Variants in BDP1 observed in about 807,000 individuals in gnomAD.
BDP1 encodes the protein transcription factor TFIIIB component B'' homolog.
A neutral mutation model predicts 266.6 loss-of-function variants in BDP1; 169 were observed. The observed-to-expected ratio is 0.63, with a 90% CI of 0.56 to 0.72. BDP1 has a LOEUF of 0.72. Among genes scored for constraint, BDP1 ranks in the 30% least tolerant of loss-of-function variants. The pLI is 0.00. For synonymous variants in BDP1, 1,090 were observed against 1,022.4 expected (o/e 1.07, Z -1.26); for missense variants, 3,015 against 3,053.8 (o/e 0.99, Z 0.30).
chr5:71,510,107 A>G lies in BDP1; in HGVS notation c.3015A>G (p.Val1005=). The G allele has an allele frequency of 1.9e-6, 3 of 1,614,116 alleles. No individual in the cohort carries two copies. Among genetic ancestry groups the G allele is most frequent in the Non-Finnish European group, 2.5e-6 (3 of 1,180,018 alleles). ...RENGPEEVKP[V]DEMETDLNAT... is the part of the protein sequence containing the mutation. Reference sequence around the variant, plus strand: ...ATGGCCCAGAGGAGGTCAAGCCTGTAGATGAAATGGAGACAGATTTGAACG... The same window carrying G: ...ATGGCCCAGAGGAGGTCAAGCCTGTGGATGAAATGGAGACAGATTTGAACG... Residue 1005 remains valine, a synonymous_variant, in exon 17 of 39, where the codon GTA becomes GTG. Coordinates refer to ENST00000358731, the MANE Select transcript of BDP1 (RefSeq NM_018429.3).
intron 25 of BDP1, among the ~76,000 whole-genome samples, chr5:71,525,464 G>A (rs1210493976): frequency 3.7e-5 from 5 of 136,486 alleles, no homozygotes; most frequent in East Asian, 2.4e-4. Context: ...CCTCCCTCCC[G>A]GACGGGGCGG....
At chr5:71,577,271 A>G in the BDP1 span, among the ~76,000 whole-genome samples, 17 of 152,188 alleles carry the variant, frequency 1.1e-4, no homozygotes, top group Admixed American at 1.1e-3. Flanking sequence ...CTTAGGCATG[A>G]TAATTTTTGC....
chr5:71,494,606 C>T (rs998955848), intron 11 of BDP1: 1 of 152,222 alleles, frequency 6.6e-6, no homozygotes, highest in African/African-American at 2.4e-5. Context: ...ACACAGTACC[C>T]TGCATAGCAA....
intron 7 of BDP1, among the ~76,000 whole-genome samples, chr5:71,478,200 A>G (rs1484822439): frequency 6.6e-6 from 1 of 152,124 alleles, no homozygotes; most frequent in Non-Finnish European, 1.5e-5. Context: ...CGATGGCCGA[A>G]ATCATGCCAT....
intron 7 of BDP1, among the ~76,000 whole-genome samples, chr5:71,477,812 G>C (rs912650852): frequency 2.0e-5 from 3 of 151,618 alleles, no homozygotes; most frequent in African/African-American, 4.8e-5. Context: ...TAGAGATGGG[G>C]TTTTGCCATG....
Position 71,524,883 on chromosome 5 carries a change from T to A in BDP1, c.5772+560T>A, listed in dbSNP as rs533409634. Among the ~76,000 whole-genome samples the A allele has an allele frequency of 4.0e-5, 6 of 151,288 alleles. No individual in the cohort carries two copies. The South Asian group carries it at 1.3e-3, about 32-fold the overall frequency. On this transcript the variant is annotated intron_variant, in intron 25 of 38. Transcript: ENST00000358731. ...AGCATCTGTTTAACAAAGCACATCT[T>A]GCACCACCCTTAATCCATTCAACCC...
chr5:71,561,325 C>T (rs1318408899), intron 37 of BDP1, among the ~76,000 whole-genome samples: 4 of 151,300 alleles, frequency 2.6e-5, no homozygotes, highest in African/African-American at 9.7e-5. Flanking sequence ...CGCTTGAACC[C>T]AGGAGGCGGA....
At chr5:71,539,405 C>T in intron 27 of BDP1, 152 bp from the exon 28 acceptor site, 1 of 622,442 alleles carries the variant, frequency 1.6e-6, no homozygotes, top group Non-Finnish European at 2.8e-6. Context: ...AGCATATAAC[C>T]TGAACAAAAG....
At chr5:71,477,762 G>A (rs1216786916) in intron 7 of BDP1, among the ~76,000 whole-genome samples, 1 of 151,712 alleles carries the variant, frequency 6.6e-6, no homozygotes, top group Non-Finnish European at 1.5e-5. Context: ...CCAACTACAG[G>A]CATGTGTCAC....
intron 38 of BDP1, chr5:71,562,727 A>G (rs778818616): frequency 6.8e-7 from 1 of 1,471,868 alleles, no homozygotes; most frequent in Non-Finnish European, 9.0e-7. Context: ...GTACAGAGCC[A>G]TTGAACTAAC....
In BDP1 at chr5:71,511,036, A is replaced by G; in HGVS notation, c.3944A>G (p.Asp1315Gly). 6.2e-7 allele frequency: 1 copy of G among 1,614,178 alleles called. No individual in the cohort carries two copies. The highest frequency in any genetic ancestry group is 8.5e-7 in the Non-Finnish European group (1 of 1,180,034). The change falls in exon 17 of 39, where the codon GAC (aspartate) becomes GGC (glycine). Residue 1315 changes from aspartate (D) to glycine (G), a missense_variant. Around this residue, in one of 3 missense-constraint regions of BDP1, gnomAD observed 2,383 missense variants for 2,404.9 expected, o/e 0.99. Coordinates refer to ENST00000358731, the MANE Select transcript of BDP1 (RefSeq NM_018429.3). ...GAATTGAAACAAACTGGAAAAACAG[A>G]CATTTCTCCAAGGGAAAACGAGCTA... ...VAELKQTGKT[D>G]ISPRENELEE... is the part of the protein sequence containing the mutation.
At chr5:71,557,599 T>C (rs1397571799) in intron 36 of BDP1, among the ~76,000 whole-genome samples, 1 of 152,032 alleles carries the variant, frequency 6.6e-6, no homozygotes, top group Non-Finnish European at 1.5e-5. Context: ...TTAGCCAGGA[T>C]GGTCTTGATC....
intron 7 of BDP1, among the ~76,000 whole-genome samples, chr5:71,470,838 A>G (rs997346260): frequency 6.7e-6 from 1 of 149,086 alleles, no homozygotes; most frequent in Non-Finnish European, 1.5e-5. Flanking sequence ...TAATCCCCCC[A>G]TCTTGGCCTC....
chr5:71,471,136 A>G (rs1762219381), intron 7 of BDP1, among the ~76,000 whole-genome samples: 1 of 138,600 alleles, frequency 7.2e-6, no homozygotes, highest in Non-Finnish European at 1.5e-5. Context: ...GGTTAAGGGT[A>G]GCTTTTTTTT....
rs756588117 is a variant in BDP1 at position 71,549,459 on chromosome 5, A to C, written c.6848A>C (p.Glu2283Ala). 1 of 1,613,956 alleles carries C rather than the reference A, an allele frequency of 6.2e-7. No individual in the cohort carries two copies. The highest frequency in any genetic ancestry group is 1.3e-5 in the African/African-American group (1 of 74,928). ...AATGTACCTCAAGATGGAGAAGATG[A>C]ACAAGCCTTTATTTTAACTCTGGTG... is the stretch of plus-strand genomic sequence containing the variant. ...VANVPQDGEDEQAFILTLVEI... is the reference protein window; with the variant it reads ...VANVPQDGEDAQAFILTLVEI... The change falls in exon 34 of 39, where the codon GAA (glutamate) becomes GCA (alanine). Residue 2283 changes from glutamate to alanine, a missense_variant. Around this residue, in one of 3 missense-constraint regions of BDP1, gnomAD observed 629 missense variants for 632.5 expected, o/e 0.99. Coordinates refer to ENST00000358731, the MANE Select transcript of BDP1 (RefSeq NM_018429.3).
intron 16 of BDP1, among the ~76,000 whole-genome samples, chr5:71,505,298 C>T (rs763666812): frequency 7.2e-5 from 11 of 152,190 alleles, no homozygotes; most frequent in South Asian, 2.1e-4. Flanking sequence ...TGAGCCATCA[C>T]ACCCAGCCAG....
intron 3 of BDP1, among the ~76,000 whole-genome samples, chr5:71,462,631 G>T (rs554080256): frequency 5.9e-5 from 9 of 152,112 alleles, no homozygotes; most frequent in African/African-American, 2.2e-4. Flanking sequence ...GCATGTGCCT[G>T]TAGTTCCAGC....
At chr5:71,544,879 CAAAAAAAAAA>C (rs141573220) in intron 31 of BDP1, among the ~76,000 whole-genome samples, 150 bp from the exon 32 acceptor site, 844 of 28,520 alleles carry the variant, frequency 0.03, 15 homozygotes, top group African/African-American at 0.11. Flanking sequence ...GACTCTGTCT[CAAAAAAAAAA>C]AAAAAAAAAA....
Position 71,515,567 on chromosome 5 carries a change from T to C in BDP1, c.4649+445T>C, listed in dbSNP as rs1765173752. ...GAAACATTTCTGGTCCTAAGCATTT[T>C]GGATAGGGCTACTCAGCTTATATGT... On this transcript the variant is annotated intron_variant, in intron 20 of 38. Transcript: ENST00000358731. Among the ~76,000 whole-genome samples the C allele has an allele frequency of 2.0e-5, 3 of 152,314 alleles. No individual in the cohort carries two copies. The South Asian group carries it at 6.2e-4, about 32-fold the overall frequency.
Sources: gnomAD v4.1 joint callset for allele counts (sites outside exome capture counted in the v4.1 genomes callset) on GRCh38, gnomAD v4.1.1 for gene constraint, gnomAD v4.1.1 regional missense constraint, MANE v1.5 for transcripts, NCBI Gene and HGNC (gene_info 2026-07-23, HGNC 2026-07-21) for gene names.